Variants in SNTB1 observed in about 807,000 individuals in gnomAD.
The protein encoded by SNTB1 is beta-1-syntrophin.
A neutral mutation model predicts 48.9 loss-of-function variants in SNTB1; 36 were observed. The ratio of observed to expected loss-of-function variants is 0.74; its 90% CI spans 0.56 to 0.97. SNTB1 has a LOEUF of 0.97. Among genes scored for constraint, SNTB1 ranks in the 50% least tolerant of loss-of-function variants. The pLI is 0.00. For missense variants in SNTB1, 786 were observed against 703.4 expected (o/e 1.12, Z -1.33); for synonymous variants, 299 against 294.6 (o/e 1.01, Z -0.15).
chr8:120,808,471 T>C (rs181390511), intron 1 of SNTB1, among the ~76,000 whole-genome samples: 50 of 152,320 alleles, frequency 3.3e-4, no homozygotes, highest in African/African-American at 1.2e-3. Flanking sequence ...ATGAGAAATA[T>C]AAACTCCAGT....
intron 3 of SNTB1, among the ~76,000 whole-genome samples, chr8:120,590,478 T>C (rs1291362693): frequency 1.3e-5 from 2 of 152,134 alleles, no homozygotes; most frequent in Non-Finnish European, 2.9e-5. Flanking sequence ...GGAAACATTA[T>C]ATAGAGTACT....
intron 1 of SNTB1, among the ~76,000 whole-genome samples, chr8:120,802,212 T>A (rs1587175532): frequency 6.6e-6 from 1 of 152,198 alleles, no homozygotes; most frequent in East Asian, 1.9e-4. Flanking sequence ...AAAGAAGTTT[T>A]ATAAATTAAC....
intron 2 of SNTB1, among the ~76,000 whole-genome samples, chr8:120,664,665 C>T (rs763596593): frequency 6.6e-6 from 1 of 152,138 alleles, no homozygotes; most frequent in Admixed American, 6.5e-5. Context: ...TTTGTTTATT[C>T]ACCCTTCGAT....
intron 1 of SNTB1, among the ~76,000 whole-genome samples, chr8:120,757,491 A>G (rs1819336594): frequency 6.6e-6 from 1 of 152,236 alleles, no homozygotes. Flanking sequence ...GTAGTCAGAC[A>G]TGACAGCTGC....
chr8:120,611,714 C>T (rs939978372), intron 3 of SNTB1, among the ~76,000 whole-genome samples: 14 of 147,592 alleles, frequency 9.5e-5, no homozygotes, highest in Admixed American at 6.2e-4. Flanking sequence ...CCCAGCTACT[C>T]GGGAGGCTGA....
chr8:120,655,702 G>A (rs909810270), intron 2 of SNTB1, among the ~76,000 whole-genome samples: 1 of 152,194 alleles, frequency 6.6e-6, no homozygotes, highest in Non-Finnish European at 1.5e-5. Context: ...TACCCATCCT[G>A]TGTATTTGGA....
At chr8:120,626,777 T>A (rs2130747743) in intron 3 of SNTB1, among the ~76,000 whole-genome samples, 1 of 152,336 alleles carries the variant, frequency 6.6e-6, no homozygotes, top group East Asian at 1.9e-4. Flanking sequence ...GGCATCTTCA[T>A]CCTTCATCAC....
At chr8:120,540,621 T>C (rs1465301826) in intron 6 of SNTB1, among the ~76,000 whole-genome samples, 1 of 152,206 alleles carries the variant, frequency 6.6e-6, no homozygotes, top group Non-Finnish European at 1.5e-5. Context: ...AGTCACTACT[T>C]TATTTCCAAG....
At chr8:120,750,173 T>C (rs1278810330) in intron 1 of SNTB1, among the ~76,000 whole-genome samples, 1 of 139,944 alleles carries the variant, frequency 7.1e-6, no homozygotes, top group East Asian at 2.5e-4. Flanking sequence ...CCTTCCTTCC[T>C]TCATTCATTC....
chr8:120,707,034 A>G (rs1418394394), intron 1 of SNTB1, among the ~76,000 whole-genome samples: 1 of 152,194 alleles, frequency 6.6e-6, no homozygotes, highest in African/African-American at 2.4e-5. Flanking sequence ...TCTTTGAAAC[A>G]TCAGAGTCTG....
At chr8:120,594,509 A>G (rs1816292515) in intron 3 of SNTB1, among the ~76,000 whole-genome samples, 1 of 151,962 alleles carries the variant, frequency 6.6e-6, no homozygotes, top group African/African-American at 2.4e-5. Flanking sequence ...AAGTGCTGGG[A>G]TTACAGGTGT....
chr8:120,661,102 T>C (rs1817580865), intron 2 of SNTB1, among the ~76,000 whole-genome samples: 1 of 151,762 alleles, frequency 6.6e-6, no homozygotes, highest in Admixed American at 6.6e-5. Flanking sequence ...ATTACAAAAA[T>C]GTGACACAGA....
intron 1 of SNTB1, among the ~76,000 whole-genome samples, chr8:120,770,754 A>C (rs1320769616): frequency 1.3e-5 from 2 of 152,220 alleles, no homozygotes; most frequent in Non-Finnish European, 2.9e-5. Context: ...CAGAGGTTGC[A>C]GTGAGCCGAG....
At chr8:120,807,002 A>G (rs1820345890) in intron 1 of SNTB1, among the ~76,000 whole-genome samples, 1 of 152,148 alleles carries the variant, frequency 6.6e-6, no homozygotes, top group African/African-American at 2.4e-5. Context: ...CCAGGGGAGC[A>G]CTGCTGAAGG....
chr8:120,717,299 G>A (rs939025225), intron 1 of SNTB1, among the ~76,000 whole-genome samples: 3 of 152,180 alleles, frequency 2.0e-5, no homozygotes, highest in African/African-American at 7.2e-5. Flanking sequence ...AGTCTGTGGT[G>A]CAGCCCATTG....
intron 3 of SNTB1, among the ~76,000 whole-genome samples, chr8:120,630,846 C>T (rs1465268269): frequency 6.6e-6 from 1 of 152,124 alleles, no homozygotes; most frequent in Non-Finnish European, 1.5e-5. Flanking sequence ...ACAATTGGGG[C>T]AAAGAGGCCT....
At chr8:120,771,379 C>T (rs1394404142) in intron 1 of SNTB1, among the ~76,000 whole-genome samples, 5 of 152,158 alleles carry the variant, frequency 3.3e-5, no homozygotes, top group Non-Finnish European at 7.3e-5. Flanking sequence ...AAGAAAAATG[C>T]ACCTGACAAA....
intron 4 of SNTB1, among the ~76,000 whole-genome samples, chr8:120,556,615 G>A (rs1443617860): frequency 1.3e-5 from 2 of 152,152 alleles, no homozygotes; most frequent in African/African-American, 4.8e-5. Flanking sequence ...GCTGATTGCT[G>A]TACATATTAT....
chr8:120,732,497 T>C (rs1818869204), intron 1 of SNTB1, among the ~76,000 whole-genome samples: 1 of 152,164 alleles, frequency 6.6e-6, no homozygotes, highest in Non-Finnish European at 1.5e-5. Flanking sequence ...CAGTTAAGAG[T>C]TAATCATTTC....
Sources: gnomAD v4.1 joint callset for allele counts (sites outside exome capture counted in the v4.1 genomes callset) on GRCh38, gnomAD v4.1.1 for gene constraint, MANE v1.5 for transcripts, NCBI Gene and HGNC (gene_info 2026-07-23, HGNC 2026-07-21) for gene names.